MORC2: variants seen among roughly 807,000 people sequenced by gnomAD.
MORC2 encodes MORC family CW-type zinc finger 2.
MORC2 carries 30 observed loss-of-function variants against 136.0 expected under a neutral mutation model. The ratio of observed to expected loss-of-function variants is 0.22; its 90% confidence interval spans 0.17 to 0.30. The LOEUF (loss-of-function observed/expected upper bound fraction) is 0.30. Among genes scored for constraint, MORC2 ranks in the 10% least tolerant of loss-of-function variants. The pLI, the probability that MORC2 is intolerant of heterozygous loss-of-function variation, is 1.00. For synonymous variants in MORC2, 439 were observed against 487.0 expected (o/e 0.90, Z 1.30); for missense variants, 922 against 1,333.1 (o/e 0.69, Z 4.80).
intron 6 of MORC2, among the ~76,000 whole-genome samples, chr22:30,944,343 T>C (rs567963622): frequency 6.6e-6 from 1 of 152,266 alleles, no homozygotes; most frequent in South Asian, 2.1e-4. Flanking sequence ...ACTTTAAACA[T>C]TGGCTTTCAC....
At position 30,926,785 on chromosome 22, in the gene MORC2, C is replaced by T; in HGVS notation, c.*18G>A. ...GTTGAGGGGCAGGTGGGCAGGGGAG[C>T]TGCTCTCTCTCCTGCCTTCAGTCCC... On this transcript the variant is annotated 3_prime_UTR_variant, in exon 26 of 26. Transcript: ENST00000397641. 6.2e-7 allele frequency: 1 copy of T among 1,607,840 alleles called. No homozygotes were observed. The highest frequency in any genetic ancestry group is 1.1e-5 in the South Asian group (1 of 90,894).
Position 30,945,677 on chromosome 22 carries a change from AGCTT to A in MORC2, c.426+660_426+663del, listed in dbSNP as rs2040806528. Reference sequence around the variant, plus strand: ...AGGAGAATCGGCCAAATGTGTGTTTAGCTTACATAGTCAATTACTAAAATGATTT... The same window carrying A: ...AGGAGAATCGGCCAAATGTGTGTTTAACATAGTCAATTACTAAAATGATTT... On this transcript the variant is annotated intron_variant, in intron 6 of 25. Transcript: ENST00000397641. 6.6e-5 allele frequency among the ~76,000 whole-genome samples: 10 copies of A among 152,352 alleles called. No individual in the cohort carries two copies. In the South Asian group the frequency reaches 2.1e-3, roughly 32 times the overall value.
At chr22:30,961,451 C>G (rs2041044129) in intron 1 of MORC2, among the ~76,000 whole-genome samples, 1 of 152,098 alleles carries the variant, frequency 6.6e-6, no homozygotes, top group Non-Finnish European at 1.5e-5. Context: ...ATATAAGTGA[C>G]TTAGAAACTT....
intron 1 of MORC2, among the ~76,000 whole-genome samples, chr22:30,960,493 T>C (rs1255926604): frequency 6.6e-6 from 1 of 152,102 alleles, no homozygotes; most frequent in Non-Finnish European, 1.5e-5. Flanking sequence ...TATTTATTTA[T>C]TTATTTATTT....
At position 30,940,210 on chromosome 22, in the gene MORC2, C is replaced by T. The variant is rs559760333; in HGVS notation, c.905-169G>A. ...GAGGGCAGCCTCTGTGCCTGGACGG[C>T]AGTCAGTCACAGAAGGAAAATCTGG... On this transcript the variant is annotated intron_variant, in intron 10 of 25. Coordinates refer to ENST00000397641, the MANE Select transcript of MORC2 (RefSeq NM_001303256.3). Among the ~76,000 whole-genome samples, 3 of 151,730 alleles carry T rather than the reference C, an allele frequency of 2.0e-5. No homozygotes were observed. In the East Asian group the frequency reaches 5.8e-4, roughly 30 times the overall value.
rs538431232 is a variant in MORC2 at position 30,933,927 on chromosome 22, G to T, written c.2325+133C>A. The T allele has an allele frequency of 6.0e-4, 647 of 1,077,012 alleles. 5 individuals carry two copies. Among genetic ancestry groups the T allele is most frequent in the Admixed American group, 1.2e-3 (52 of 43,858 alleles). The allele number at this position is 1,077,012 out of a possible 1,614,324, so 66.7% of individuals were successfully genotyped here. ...CAGAGTTGGTGCAGACTGCTGGTGGGGGGGGTAGACTGCTGGTGGGTTGTG... is the reference window on the plus strand; with the variant it reads ...CAGAGTTGGTGCAGACTGCTGGTGGTGGGGGTAGACTGCTGGTGGGTTGTG... On this transcript the variant is annotated intron_variant, in intron 20 of 25. Coordinates refer to ENST00000397641, the MANE Select transcript of MORC2 (RefSeq NM_001303256.3).
At chr22:30,967,782 G>T in intron 1 of MORC2, 40 bp downstream of exon 1, 1 of 1,548,872 alleles carries the variant, frequency 6.5e-7, no homozygotes, top group South Asian at 1.2e-5. Context: ...ATCAAGGAAC[G>T]AGTTACTGGT....
At chr22:30,959,957 T>C (rs2041019224) in intron 1 of MORC2, among the ~76,000 whole-genome samples, 1 of 152,212 alleles carries the variant, frequency 6.6e-6, no homozygotes, top group African/African-American at 2.4e-5. Context: ...TTTTTACAAA[T>C]GCAATTTTTT....
At chr22:30,944,388 CT>C (rs1279952586) in intron 6 of MORC2, among the ~76,000 whole-genome samples, 1 of 152,114 alleles carries the variant, frequency 6.6e-6, no homozygotes, top group Non-Finnish European at 1.5e-5. Flanking sequence ...CTCAGGAACA[CT>C]TCTCCTTTAG....
In MORC2 at chr22:30,925,822, A is replaced by G. The variant is rs2040474767; in HGVS notation, c.*981T>C. The G allele has an allele frequency of 6.5e-6, 1 of 153,372 alleles. No homozygotes were observed. Among genetic ancestry groups the G allele is most frequent in the Admixed American group, 6.5e-5 (1 of 15,278 alleles). 9.5% of individuals were successfully genotyped at this position (153,372 alleles called of 1,614,324 possible). On this transcript the variant is annotated 3_prime_UTR_variant, in exon 26 of 26. Coordinates refer to ENST00000397641, the MANE Select transcript of MORC2 (RefSeq NM_001303256.3). Reference sequence around the variant, plus strand: ...AAGGCATGGTGTGCTTCCTGCAGAGATGCCTCTGGAGTCCCTGTGGCCACG... The same window carrying G: ...AAGGCATGGTGTGCTTCCTGCAGAGGTGCCTCTGGAGTCCCTGTGGCCACG...
intron 10 of MORC2, 137 bp from the exon 11 acceptor site, chr22:30,940,178 G>T: frequency 1.2e-6 from 1 of 820,864 alleles, no homozygotes; most frequent in Non-Finnish European, 1.9e-6. Context: ...TGGCTGGTGA[G>T]CAATGTGAGG....
rs2041002609 is a variant in MORC2, at chr22:30,958,776, TAA to T, written c.69-84_69-83del. The T allele has an allele frequency of 2.9e-5, 38 of 1,322,052 alleles. No homozygotes were observed. The South Asian group carries it at 4.9e-4, about 17-fold the overall frequency. The allele number at this position is 1,322,052 out of a possible 1,614,324, so 81.9% of individuals were successfully genotyped here. A position where few individuals can be genotyped will look rare whatever the true frequency, so the allele number is the denominator to read the frequency against. ...TAAAAAGCCATGGTTATAAAATATT[TAA>T]GTTTTTTGAAAAAAATCTTAAAACC... On this transcript the variant is annotated intron_variant, in intron 1 of 25. Coordinates refer to ENST00000397641, the MANE Select transcript of MORC2 (RefSeq NM_001303256.3).
chr22:30,940,925 C>T, intron 9 of MORC2, 88 bp from the exon 10 acceptor site: 1 of 1,101,584 alleles, frequency 9.1e-7, no homozygotes, highest in Non-Finnish European at 1.4e-6. Flanking sequence ...GCCTTCCTGC[C>T]TCCTCCCAAG....
chr22:30,965,782 A>G (rs2041118793), intron 1 of MORC2, among the ~76,000 whole-genome samples: 1 of 152,270 alleles, frequency 6.6e-6, no homozygotes. Flanking sequence ...GAAATATCCC[A>G]GAGTCCTTAG....
intron 25 of MORC2, among the ~76,000 whole-genome samples, chr22:30,927,623 A>T (rs1263236862): frequency 2.0e-5 from 3 of 152,156 alleles, no homozygotes; most frequent in African/African-American, 7.2e-5. Context: ...TGTCTTGTTC[A>T]TTCTGTATCC....
chr22:30,934,256 C>A lies in MORC2; in HGVS notation c.2194-65G>T. On this transcript the variant is annotated intron_variant, in intron 19 of 25. Transcript: ENST00000397641. The surrounding 1 kb of genome is among the most constrained non-coding windows in gnomAD (Gnocchi z 4.4). ...CAGCCTCTAAGGAGCAGGAAGATTT[C>A]ATCTAGCCTAAAGGAGTCGTTCCAA... is the stretch of plus-strand genomic sequence containing the variant. 6.2e-7 allele frequency: 1 copy of A among 1,604,850 alleles called. No individual in the cohort carries two copies. The highest frequency in any genetic ancestry group is 1.1e-5 in the South Asian group (1 of 89,778).
chr22:30,950,339 A>ACT, intron 4 of MORC2, 38 bp downstream of exon 4: 3 of 539,984 alleles, frequency 5.6e-6, no homozygotes, highest in Non-Finnish European at 1.0e-5. Context: ...GTTACATCGC[A>ACT]CCCCCCCACC....
Position 30,934,044 on chromosome 22 carries a change from C to G in MORC2, c.2325+16G>C. 6.2e-7 allele frequency: 1 copy of G among 1,613,920 alleles called. No homozygotes were observed. Among genetic ancestry groups the G allele is most frequent in the Non-Finnish European group, 8.5e-7 (1 of 1,179,902 alleles). ...CTAGAGAGAGAGGCTTTGAGAACCT[C>G]ACCTCAACCACTCACCTCATTCGAG... On this transcript the variant is annotated intron_variant, in intron 20 of 25. Transcript: ENST00000397641. This position sits in a 1 kb window ranked among gnomAD's most constrained non-coding sequence, Gnocchi z 4.4.
Position 30,925,141 on chromosome 22 carries a change from C to T in MORC2, c.*1662G>A. On this transcript the variant is annotated 3_prime_UTR_variant, in exon 26 of 26. Coordinates refer to ENST00000397641, the MANE Select transcript of MORC2 (RefSeq NM_001303256.3). Reference sequence around the variant, plus strand: ...GAAAACAGACTGAGTTCAGGAGTCTCACCAGTAGAACTTTATAGTATTGCG... The same window carrying T: ...GAAAACAGACTGAGTTCAGGAGTCTTACCAGTAGAACTTTATAGTATTGCG... 2.8e-6 allele frequency: 1 copy of T among 351,552 alleles called. No homozygotes were observed. Among genetic ancestry groups the T allele is most frequent in the South Asian group, 2.2e-5 (1 of 45,670 alleles). 21.8% of individuals were successfully genotyped at this position (351,552 alleles called of 1,614,324 possible).
Sources: gnomAD v4.1 joint callset for allele counts (sites outside exome capture counted in the v4.1 genomes callset) on GRCh38, gnomAD v4.1.1 for gene constraint, Gnocchi (gnomAD v3.1) non-coding constraint, MANE v1.5 for transcripts, NCBI Gene and HGNC (gene_info 2026-07-23, HGNC 2026-07-21) for gene names.